Variants in POM121C observed in about 807,000 individuals in gnomAD.
POM121C encodes the protein POM121 transmembrane nucleoporin C.
Under a neutral mutation model 66.4 loss-of-function variants are expected in POM121C, and 20 were observed. That is an observed-to-expected ratio of 0.30 (90% CI 0.21 to 0.44). POM121C has a LOEUF of 0.44. Ranked by LOEUF, POM121C falls within the 20% of genes least tolerant of loss-of-function variation. The pLI, the probability that POM121C is intolerant of heterozygous loss-of-function variation, is 1.00. For synonymous variants in POM121C, 286 were observed against 528.0 expected (o/e 0.54, Z 6.28); for missense variants, 580 against 1,225.7 (o/e 0.47, Z 7.87).
chr7:75,437,456 A>G (rs1476467657), intron 7 of POM121C, 59 bp downstream of exon 7: 1 of 1,564,070 alleles, frequency 6.4e-7, no homozygotes, highest in African/African-American at 1.4e-5. Context: ...GTCTGGCCCT[A>G]ATCAATGAAT....
At chr7:75,475,757 T>C (rs1554479278) in intron 1 of POM121C, among the ~76,000 whole-genome samples, 2 of 152,032 alleles carry the variant, frequency 1.3e-5, no homozygotes, top group African/African-American at 2.4e-5. Context: ...TAAATATTCG[T>C]TAAATGAATG....
chr7:75,442,656 C>A (rs1790700702), intron 3 of POM121C: 1 of 1,459,706 alleles, frequency 6.9e-7, no homozygotes, highest in African/African-American at 1.5e-5. Flanking sequence ...CCCCGGCCGT[C>A]CCTGACACTC....
chr7:75,467,196 T>C (rs1425928498), intron 3 of POM121C, among the ~76,000 whole-genome samples: 2 of 152,206 alleles, frequency 1.3e-5, no homozygotes, highest in African/African-American at 2.4e-5. Context: ...ATATGACGAC[T>C]GTAGAGAAAA....
At chr7:75,453,695 C>G (rs1171169899) in intron 3 of POM121C, among the ~76,000 whole-genome samples, 1 of 151,656 alleles carries the variant, frequency 6.6e-6, no homozygotes, top group African/African-American at 2.4e-5. Context: ...AAAAAACAAT[C>G]ATTATCATCA....
At chr7:75,434,582 C>CTT (rs34484961) in intron 7 of POM121C, among the ~76,000 whole-genome samples, 1 of 98,998 alleles carries the variant, frequency 1.0e-5, no homozygotes, top group African/African-American at 3.9e-5. Flanking sequence ...GCTCAGCTAG[C>CTT]TTTTTTTTTT....
At chr7:75,453,633 TAA>T (rs1791104425) in intron 3 of POM121C, among the ~76,000 whole-genome samples, 1 of 146,668 alleles carries the variant, frequency 6.8e-6, no homozygotes, top group South Asian at 2.1e-4. Context: ...TATAAAGAAG[TAA>T]AGTGTTTCAG....
chr7:75,471,108 A>G (rs1223619884), intron 3 of POM121C, among the ~76,000 whole-genome samples: 3 of 152,188 alleles, frequency 2.0e-5, no homozygotes, highest in African/African-American at 7.2e-5. Flanking sequence ...CCCAGCTTGA[A>G]AGCCACAGAT....
At chr7:75,434,944 C>G (rs587734303) in intron 7 of POM121C, among the ~76,000 whole-genome samples, 1 of 152,150 alleles carries the variant, frequency 6.6e-6, no homozygotes. Context: ...GCTGGTGAGG[C>G]CAGGGAGAAA....
intron 7 of POM121C, among the ~76,000 whole-genome samples, chr7:75,433,788 G>GTATA (rs1408801822): frequency 6.6e-6 from 1 of 152,096 alleles, no homozygotes; most frequent in Non-Finnish European, 1.5e-5. Flanking sequence ...TAGTTACATA[G>GTATA]TATATTTCAA....
chr7:75,463,895 T>C (rs1440946616), intron 3 of POM121C, among the ~76,000 whole-genome samples: 1 of 151,624 alleles, frequency 6.6e-6, no homozygotes, highest in African/African-American at 2.4e-5. Context: ...TTTCACCATG[T>C]TGGCCAGACT....
chr7:75,456,226 A>G (rs62477671), intron 3 of POM121C, among the ~76,000 whole-genome samples: 4,085 of 88,704 alleles, frequency 0.046, no homozygotes, highest in African/African-American at 0.078. Flanking sequence ...GTGACAGAGT[A>G]CAACCCTGCT....
intron 7 of POM121C, among the ~76,000 whole-genome samples, chr7:75,426,935 A>G (rs1789965514): frequency 6.7e-6 from 1 of 150,166 alleles, no homozygotes; most frequent in African/African-American, 2.4e-5. Flanking sequence ...AAGTAATGGA[A>G]TGTGAATAAA....
Position 75,485,942 on chromosome 7 carries a change from C to T in POM121C, c.-536G>A. 2.0e-6 allele frequency: 1 copy of T among 498,448 alleles called. No homozygotes were observed. The highest frequency in any genetic ancestry group is 1.4e-5 in the South Asian group (1 of 69,038). 30.9% of individuals were successfully genotyped at this position (498,448 alleles called of 1,614,324 possible). A position where few individuals can be genotyped will look rare whatever the true frequency, so the allele number is the denominator to read the frequency against. Reference sequence around the variant, plus strand: ...CTGCTGTCGCTGGCGCGCGCGTCTGCTCGCGAGGTCCCCTCCTGTCCACCT... The same window carrying T: ...CTGCTGTCGCTGGCGCGCGCGTCTGTTCGCGAGGTCCCCTCCTGTCCACCT... On this transcript the variant is annotated 5_prime_UTR_variant, in exon 1 of 15. Transcript: ENST00000615331.
intron 10 of POM121C, 70 bp downstream of exon 10, chr7:75,425,004 T>C: frequency 9.1e-6 from 14 of 1,536,556 alleles, no homozygotes; most frequent in South Asian, 1.3e-5. Context: ...AGAAGAAACT[T>C]GTCCTTAGCG....
intron 1 of POM121C, among the ~76,000 whole-genome samples, chr7:75,481,032 T>A (rs71560461): frequency 0.19 from 24,839 of 131,248 alleles, 2,067 homozygotes; most frequent in Middle Eastern, 0.3. Context: ...GTTCAAAAAA[T>A]ATATATATAT....
At chr7:75,441,183 C>T in intron 4 of POM121C, 68 bp from the exon 5 acceptor site, 1 of 1,593,204 alleles carries the variant, frequency 6.3e-7, no homozygotes, top group Admixed American at 1.8e-5. Context: ...AAACGGAAAT[C>T]AGAAGCTAAC....
rs1791844226 is a variant in POM121C, at chr7:75,470,840, C to T, written c.-152+3864G>A. Among the ~76,000 whole-genome samples the T allele has an allele frequency of 3.3e-5, 5 of 152,072 alleles. No individual in the cohort carries two copies. In the South Asian group the frequency reaches 1.0e-3, roughly 32 times the overall value. ...ATAGAAATGGGGTCTCCCTATGTTG[C>T]CCAGGCTGACCTCGAACCCCTGGGC... On this transcript the variant is annotated intron_variant, in intron 3 of 14. Coordinates refer to ENST00000615331, the MANE Select transcript of POM121C (RefSeq NM_001099415.3).
Position 75,486,295 on chromosome 7 carries a change from G to C in POM121C, c.-889C>G, listed in dbSNP as rs1355617512. The C allele has an allele frequency of 7.9e-6, 2 of 251,800 alleles. No homozygotes were observed. Among genetic ancestry groups the C allele is most frequent in the Non-Finnish European group, 1.6e-5 (2 of 127,558 alleles). 15.6% of individuals were successfully genotyped at this position (251,800 alleles called of 1,614,324 possible). A position where few individuals can be genotyped will look rare whatever the true frequency, so the allele number is the denominator to read the frequency against. On this transcript the variant is annotated 5_prime_UTR_variant, in exon 1 of 15. Transcript: ENST00000615331. ...ACCTGAAGAGGCACAGGAAGCGAGG[G>C]CAGTGCGGAGGTGGCGCGCATGTGC... is the stretch of plus-strand genomic sequence containing the variant.
At chr7:75,437,112 G>A (rs1394753007) in intron 7 of POM121C, among the ~76,000 whole-genome samples, 2 of 152,074 alleles carry the variant, frequency 1.3e-5, no homozygotes, top group African/African-American at 4.8e-5. Flanking sequence ...ATCACCCTCT[G>A]TCCGTTTATC....
Sources: gnomAD v4.1 joint callset for allele counts (sites outside exome capture counted in the v4.1 genomes callset) on GRCh38, gnomAD v4.1.1 for gene constraint, MANE v1.5 for transcripts, NCBI Gene and HGNC (gene_info 2026-07-23, HGNC 2026-07-21) for gene names.